FREM2: variants seen among roughly 807,000 people sequenced by gnomAD.
FREM2 encodes the protein FRAS1 related extracellular matrix 2, also known as FRAS1-related extracellular matrix protein 2.
A neutral mutation model predicts 219.9 loss-of-function variants in FREM2; 119 were observed. The ratio of observed to expected loss-of-function variants is 0.54; its 90% CI spans 0.47 to 0.63. The LOEUF is 0.63. Among genes scored for constraint, FREM2 ranks in the 30% least tolerant of loss-of-function variants. FREM2 has a pLI of 0.00. For missense variants in FREM2, 4,030 were observed against 3,993.6 expected, an observed-to-expected ratio of 1.01 and a Z score of -0.25; for synonymous variants, 1,562 against 1,522.8, an observed-to-expected ratio of 1.03 and a Z score of -0.60.
At chr13:38,792,660 T>C (rs1874609101) in intron 6 of FREM2, among the ~76,000 whole-genome samples, 1 of 152,252 alleles carries the variant, frequency 6.6e-6, no homozygotes. Context: ...GTGTCTTCAG[T>C]CATCCACTTG....
At chr13:38,720,223 A>G (rs1276484447) in intron 2 of FREM2, among the ~76,000 whole-genome samples, 1 of 152,056 alleles carries the variant, frequency 6.6e-6, no homozygotes, top group Non-Finnish European at 1.5e-5. Context: ...CTTTCCTTTT[A>G]TCTATTTTCT....
intron 4 of FREM2, among the ~76,000 whole-genome samples, chr13:38,775,705 C>T (rs746835184): frequency 1.4e-4 from 22 of 152,144 alleles, no homozygotes; most frequent in South Asian, 4.2e-4. Context: ...CTGCAGCCTC[C>T]GCCTCCCCAT....
intron 2 of FREM2, among the ~76,000 whole-genome samples, chr13:38,709,789 TTACCCTTA>T (rs147403298): frequency 0.35 from 53,091 of 151,460 alleles, 9,656 homozygotes; most frequent in East Asian, 0.61. Flanking sequence ...TCTAATGACT[TTACCCTTA>T]AACTGCTTAT....
Position 38,880,391 on chromosome 13 carries a change from G to A in FREM2, c.9114G>A (p.Val3038=). The A allele has an allele frequency of 6.2e-7, 1 of 1,614,106 alleles. No homozygotes were observed. The highest frequency in any genetic ancestry group is 8.5e-7 in the Non-Finnish European group (1 of 1,180,030). ...GKRSVEYHSL[V]SQGKPQSTTK... ...GAAGTGTGGAGTACCATTCTCTGGT[G>A]AGTCAAGGAAAGCCCCAATCCACCA... The change falls in exon 24 of 24, where the codon GTG becomes GTA. Residue 3038 remains valine, a synonymous_variant. Transcript: ENST00000280481.
intron 6 of FREM2, among the ~76,000 whole-genome samples, chr13:38,819,420 G>C (rs1402024866): frequency 6.6e-6 from 1 of 152,078 alleles, no homozygotes; most frequent in African/African-American, 2.4e-5. Flanking sequence ...AATTTACACT[G>C]AAGAATGACC....
intron 6 of FREM2, among the ~76,000 whole-genome samples, chr13:38,816,680 C>T (rs1003158808): frequency 2.6e-5 from 4 of 152,156 alleles, no homozygotes; most frequent in East Asian, 1.9e-4. Flanking sequence ...CAAAGATGCC[C>T]GCTTTTACCA....
chr13:38,772,087 T>C (rs548100049), intron 4 of FREM2, among the ~76,000 whole-genome samples: 70 of 152,200 alleles, frequency 4.6e-4, no homozygotes, highest in Non-Finnish European at 9.1e-4. Context: ...TAAATTCACC[T>C]GCCCTAGGAG....
chr13:38,835,534 G>A (rs534407373), intron 6 of FREM2, among the ~76,000 whole-genome samples: 48 of 152,324 alleles, frequency 3.2e-4, no homozygotes, highest in African/African-American at 1.1e-3. Flanking sequence ...ATTACTTTGG[G>A]CAGTATGCCC....
Position 38,811,603 on chromosome 13 carries a change from G to A in FREM2, c.6019+26795G>A, listed in dbSNP as rs575144921. On this transcript the variant is annotated intron_variant, in intron 6 of 23. Coordinates refer to ENST00000280481, the MANE Select transcript of FREM2 (RefSeq NM_207361.6). ...ATTGTTTATTTCCATGTGTTTGTATGGTTTCCAAAGTTTATCTTGTTTTTG... is the reference window on the plus strand; with the variant it reads ...ATTGTTTATTTCCATGTGTTTGTATAGTTTCCAAAGTTTATCTTGTTTTTG... 1.7e-3 allele frequency among the ~76,000 whole-genome samples: 263 copies of A among 151,956 alleles called. 1 individual carries two copies. The highest frequency in any genetic ancestry group is 0.013 in the South Asian group (62 of 4,812).
intron 9 of FREM2, among the ~76,000 whole-genome samples, 161 bp downstream of exon 9, chr13:38,850,396 A>AT (rs1248199546): frequency 6.6e-6 from 1 of 152,208 alleles, no homozygotes; most frequent in Non-Finnish European, 1.5e-5. Flanking sequence ...AACAGGTTGA[A>AT]TGAATGCCCT....
chr13:38,788,578 C>T (rs554820560), intron 6 of FREM2, among the ~76,000 whole-genome samples: 89 of 152,256 alleles, frequency 5.8e-4, no homozygotes, highest in African/African-American at 2.0e-3. Context: ...TATTGACTTA[C>T]GGTCCCTAGG....
chr13:38,802,935 GCC>G (rs1875077362), intron 6 of FREM2, among the ~76,000 whole-genome samples: 1 of 152,186 alleles, frequency 6.6e-6, no homozygotes, highest in Non-Finnish European at 1.5e-5. Flanking sequence ...CCAGCTCCCA[GCC>G]AATCCCAGCT....
At position 38,751,896 on chromosome 13, in the gene FREM2, G is replaced by GTGTT. The variant is rs1555265076; in HGVS notation, c.5264-12407_5264-12406insGTTT. 2.1e-3 allele frequency among the ~76,000 whole-genome samples: 212 copies of GTGTT among 100,190 alleles called. No homozygotes were observed. The South Asian group carries it at 0.024, about 11-fold the overall frequency. 65.7% of individuals were successfully genotyped at this position (100,190 alleles called of 152,430 possible). A position where few individuals can be genotyped will look rare whatever the true frequency, so the allele number is the denominator to read the frequency against. ...TGTGTGTGTGTGTGTGTGTGTGTGT[G>GTGTT]TTTTCCTTTTGGCAGCCAAATATAC... is the stretch of plus-strand genomic sequence containing the variant. On this transcript the variant is annotated intron_variant, in intron 2 of 23. Transcript: ENST00000280481.
Position 38,816,543 on chromosome 13 carries a change from G to A in FREM2, c.6020-30030G>A, listed in dbSNP as rs77398629. The stretch of plus-strand genomic sequence containing the variant: ...AAAAATTTACTATCATGATTAAAAC[G>A]CTCAAGAAATTAGATTCACATGGTA... On this transcript the variant is annotated intron_variant, in intron 6 of 23. Coordinates refer to ENST00000280481, the MANE Select transcript of FREM2 (RefSeq NM_207361.6). Among the ~76,000 whole-genome samples, 1,086 of 152,166 alleles carry A rather than the reference G, an allele frequency of 7.1e-3. 22 individuals carry two copies. The highest frequency in any genetic ancestry group is 0.025 in the African/African-American group (1,046 of 41,518).
At chr13:38,710,889 G>A (rs1057506955) in intron 2 of FREM2, among the ~76,000 whole-genome samples, 3 of 152,212 alleles carry the variant, frequency 2.0e-5, no homozygotes, top group African/African-American at 7.2e-5. Flanking sequence ...ACACATAGGT[G>A]TATATGGACA....
Position 38,783,192 on chromosome 13 carries a change from C to A in FREM2, c.5764C>A (p.Gln1922Lys), listed in dbSNP as rs199804821. The change falls in exon 5 of 24, where the codon CAA (glutamine) becomes AAA (lysine). Residue 1922 changes from glutamine to lysine, a missense_variant. Gln to Lys is a moderately conservative substitution (Grantham distance 53). Around this residue, in one of 2 missense-constraint regions of FREM2, gnomAD observed 3,102 missense variants for 2,950.7 expected, o/e 1.05. Transcript: ENST00000280481. ...QELMVVCYTQ[Q>K]GTATGTVPTS... ...GTTGATGGTGGTCTGTTATACCCAA[C>A]AAGGTAGCTCGATTTGCCGAAAAAC... is the stretch of plus-strand genomic sequence containing the variant. The A allele has an allele frequency of 3.1e-6, 5 of 1,614,062 alleles. No individual in the cohort carries two copies. In the East Asian group the frequency reaches 8.9e-5, roughly 29 times the overall value.
intron 6 of FREM2, among the ~76,000 whole-genome samples, chr13:38,844,732 A>G (rs1007808460): frequency 6.6e-6 from 1 of 152,164 alleles, no homozygotes; most frequent in Admixed American, 6.5e-5. Context: ...TTGGGTGCTG[A>G]TGTGGTTTGC....
At chr13:38,845,077 G>A (rs912788880) in intron 6 of FREM2, among the ~76,000 whole-genome samples, 26 of 117,430 alleles carry the variant, frequency 2.2e-4, no homozygotes, top group African/African-American at 6.9e-4. Flanking sequence ...TATCACCCCC[G>A]AACCAAAATA....
At chr13:38,874,447 A>T (rs775095128) in intron 17 of FREM2, 35 bp from the exon 18 acceptor site, 1 of 1,528,410 alleles carries the variant, frequency 6.5e-7, no homozygotes, top group South Asian at 1.1e-5. Flanking sequence ...CTCTGGCTAC[A>T]TATATTTTCA....
Sources: allele counts gnomAD v4.1 joint callset (sites outside exome capture counted in the v4.1 genomes callset), GRCh38; gene constraint gnomAD v4.1.1; regional missense constraint gnomAD v4.1.1; transcripts MANE v1.5; gene names NCBI Gene and HGNC (gene_info 2026-07-23, HGNC 2026-07-21).